FANCD2: variants seen among roughly 807,000 people sequenced by gnomAD.
The protein encoded by FANCD2 is Fanconi anemia group D2 protein.
FANCD2 carries 131 observed loss-of-function variants against 192.3 expected under a neutral mutation model. The ratio of observed to expected loss-of-function variants is 0.68; its 90% CI spans 0.59 to 0.79. The LOEUF is 0.79. FANCD2 is among the 30% of genes least tolerant of loss of function. The pLI is 0.00. For missense variants in FANCD2, 1,508 were observed against 1,701.6 expected (o/e 0.89, Z 2.00); for synonymous variants, 524 against 612.5 (o/e 0.86, Z 2.13).
chr3:10,098,966 T>C (rs1439441185), intron 43 of FANCD2, 151 bp downstream of exon 43: 4 of 1,614,092 alleles, frequency 2.5e-6, no homozygotes, highest in Non-Finnish European at 2.5e-6. Flanking sequence ...TCTGTGCTTA[T>C]ATAATTTTTG....
intron 32 of FANCD2, 192 bp downstream of exon 32, chr3:10,081,656 A>T (rs1465073652): frequency 1.6e-6 from 1 of 628,206 alleles, no homozygotes; most frequent in African/African-American, 1.8e-5. Context: ...CTTTGGAGCC[A>T]CTATGTTAAC....
chr3:10,077,506 G>A (rs970515944), intron 29 of FANCD2, among the ~76,000 whole-genome samples: 1 of 152,082 alleles, frequency 6.6e-6, no homozygotes, highest in Non-Finnish European at 1.5e-5. Context: ...AGTGAGCCAA[G>A]ATCATGCCAC....
chr3:10,041,921 C>T (rs371358308), intron 10 of FANCD2, among the ~76,000 whole-genome samples: 3 of 139,082 alleles, frequency 2.2e-5, no homozygotes, highest in East Asian at 2.0e-4. Flanking sequence ...TTTTTTGAGA[C>T]GGAGTATCAC....
chr3:10,087,775 A>G (rs1694309942), intron 34 of FANCD2, among the ~76,000 whole-genome samples: 1 of 152,092 alleles, frequency 6.6e-6, no homozygotes, highest in Non-Finnish European at 1.5e-5. Flanking sequence ...CAGCCTTTCA[A>G]GTAGCTGGGA....
At chr3:10,076,228 C>G (rs9820598) in intron 29 of FANCD2, among the ~76,000 whole-genome samples, 34,126 of 151,128 alleles carry the variant, frequency 0.23, 4,999 homozygotes, top group African/African-American at 0.42. Context: ...TAGAGGAAAA[C>G]AAGTATGAAA....
At chr3:10,099,152 A>C in intron 43 of FANCD2, 1 of 1,454,538 alleles carries the variant, frequency 6.9e-7, no homozygotes, top group Non-Finnish European at 9.0e-7. Flanking sequence ...TGTTGAGAAG[A>C]ATGAGTTAAA....
intron 4 of FANCD2, 71 bp from the exon 5 acceptor site, chr3:10,034,624 C>A: frequency 6.7e-7 from 1 of 1,494,814 alleles, no homozygotes. Flanking sequence ...GTTGAGTGGG[C>A]TAGAATGATT....
Position 10,092,026 on chromosome 3 carries a change from G to A in FANCD2, c.3778-155G>A, listed in dbSNP as rs9849434. 0.24 allele frequency among the ~76,000 whole-genome samples: 36,775 copies of A among 152,194 alleles called. 5,942 individuals are homozygous for A. The highest frequency in any genetic ancestry group is 0.46 in the African/African-American group (19,181 of 41,486). On this transcript the variant is annotated intron_variant, in intron 37 of 43. Transcript: ENST00000675286. Reference sequence around the variant, plus strand: ...GTTACCACAACATGTGCAGGCCTCAGAACCATCTTGTGGATGCACTGGTTG... The same window carrying A: ...GTTACCACAACATGTGCAGGCCTCAAAACCATCTTGTGGATGCACTGGTTG...
chr3:10,046,127 C>A (rs1559377330), intron 14 of FANCD2, among the ~76,000 whole-genome samples: 1 of 148,242 alleles, frequency 6.7e-6, no homozygotes, highest in Non-Finnish European at 1.5e-5. Flanking sequence ...GATCTCGGCT[C>A]ACTGTAAGCT....
At chr3:10,052,016 G>A (rs2087234085) in intron 17 of FANCD2, among the ~76,000 whole-genome samples, 1 of 152,156 alleles carries the variant, frequency 6.6e-6, no homozygotes, top group African/African-American at 2.4e-5. Context: ...AAAGGGAAAG[G>A]TGGAGGTAAA....
chr3:10,043,909 G>T, intron 14 of FANCD2, 45 bp downstream of exon 14: 2 of 1,467,980 alleles, frequency 1.4e-6, no homozygotes, highest in Non-Finnish European at 1.9e-6. Flanking sequence ...AGACTTAAAA[G>T]TAATGACATT....
intron 30 of FANCD2, among the ~76,000 whole-genome samples, chr3:10,080,791 G>A (rs1693789634): frequency 6.6e-6 from 1 of 152,076 alleles, no homozygotes; most frequent in African/African-American, 2.4e-5. Flanking sequence ...TTATAAGAAG[G>A]AGTCTATTGC....
chr3:10,088,305 T>C, intron 34 of FANCD2, 144 bp from the exon 35 acceptor site: 1 of 700,356 alleles, frequency 1.4e-6, no homozygotes, highest in South Asian at 1.5e-5. Context: ...TGACAGCTTT[T>C]TGTAAGTTGC....
chr3:10,081,528 G>T, intron 32 of FANCD2, 64 bp downstream of exon 32: 2 of 1,096,738 alleles, frequency 1.8e-6, no homozygotes, highest in East Asian at 2.3e-5. Flanking sequence ...CAGTCACCAA[G>T]GCACTGAAAT....
intron 32 of FANCD2, chr3:10,083,395 T>G (rs1249998055): frequency 6.6e-6 from 1 of 152,214 alleles, no homozygotes; most frequent in Non-Finnish European, 1.5e-5. Context: ...CTCACTAGCA[T>G]AGCTACATCA....
intron 17 of FANCD2, among the ~76,000 whole-genome samples, chr3:10,051,752 G>A (rs1244612358): frequency 1.3e-5 from 2 of 152,160 alleles, no homozygotes; most frequent in African/African-American, 4.8e-5. Context: ...TTAATTAAAA[G>A]TTTACAAAGC....
intron 17 of FANCD2, among the ~76,000 whole-genome samples, chr3:10,051,102 C>T (rs933143010): frequency 3.3e-5 from 5 of 149,674 alleles, no homozygotes; most frequent in African/African-American, 4.9e-5. Flanking sequence ...AGAGTGAGGC[C>T]GGGCGCGGTG....
rs956060159 is a variant in FANCD2 at position 10,043,651 on chromosome 3, G to A, written c.1098+59G>A. The A allele has an allele frequency of 5.8e-6, 8 of 1,389,828 alleles. No individual in the cohort carries two copies. In the East Asian group the frequency reaches 6.9e-5, roughly 12 times the overall value. The allele number at this position is 1,389,828 out of a possible 1,614,324, so 86.1% of individuals were successfully genotyped here. ...AAATGAGTGGCAATTAGTGACAGAT[G>A]TATAACTGAGGTAGACTGAAATAAA... On this transcript the variant is annotated intron_variant, in intron 13 of 43. Coordinates refer to ENST00000675286, the MANE Select transcript of FANCD2 (RefSeq NM_001018115.3).
rs34206187 is a variant in FANCD2 at position 10,089,347 on chromosome 3, C to A, written c.3683+397C>A. 3.2e-3 allele frequency among the ~76,000 whole-genome samples: 491 copies of A among 152,160 alleles called. 10 individuals are homozygous for A. In the South Asian group the frequency reaches 0.039, roughly 12 times the overall value. Reference sequence around the variant, plus strand: ...ATATAGCTTCCACACAACTGCCTTGCTCCTCCTCATCTAATTCTGATACAG... The same window carrying A: ...ATATAGCTTCCACACAACTGCCTTGATCCTCCTCATCTAATTCTGATACAG... On this transcript the variant is annotated intron_variant, in intron 36 of 43. Coordinates refer to ENST00000675286, the MANE Select transcript of FANCD2 (RefSeq NM_001018115.3).
Sources: gnomAD v4.1 joint callset for allele counts (sites outside exome capture counted in the v4.1 genomes callset) on GRCh38, gnomAD v4.1.1 for gene constraint, MANE v1.5 for transcripts, NCBI Gene and HGNC (gene_info 2026-07-23, HGNC 2026-07-21) for gene names.